Variants in ATG10 observed in about 807,000 individuals in gnomAD.
The protein encoded by ATG10 is autophagy related 10.
Under a neutral mutation model 32.1 loss-of-function variants are expected in ATG10, and 30 were observed. The ratio of observed to expected loss-of-function variants is 0.94; its 90% CI spans 0.70 to 1.27. The LOEUF (loss-of-function observed/expected upper bound fraction) is 1.27, where lower values mean the gene tolerates loss of function less well. ATG10 is among the 50% of genes most tolerant of loss of function. The pLI is 0.00. For synonymous variants in ATG10, 87 were observed against 91.5 expected (o/e 0.95, Z 0.28); for missense variants, 233 against 262.3 (o/e 0.89, Z 0.77).
At position 82,255,971 on chromosome 5, in the gene ATG10, G is replaced by A. The variant is rs1747444504; in HGVS notation, c.*1908G>A. 1 of 152,146 alleles carries A rather than the reference G, an allele frequency of 6.6e-6. No individual in the cohort carries two copies. The highest frequency in any genetic ancestry group is 1.5e-5 in the Non-Finnish European group (1 of 68,020). The allele number at this position is 152,146 out of a possible 1,614,324, so 9.4% of individuals were successfully genotyped here. A position where few individuals can be genotyped will look rare whatever the true frequency, so the allele number is the denominator to read the frequency against. ...CATATTCATGCTAGGATGAGAGCCGGCTTAAATGCTTGCTGGGCATTTTGG... is the reference window on the plus strand; with the variant it reads ...CATATTCATGCTAGGATGAGAGCCGACTTAAATGCTTGCTGGGCATTTTGG... On this transcript the variant is annotated 3_prime_UTR_variant, in exon 8 of 8. Coordinates refer to ENST00000282185, the MANE Select transcript of ATG10 (RefSeq NM_031482.5).
intron 3 of ATG10, among the ~76,000 whole-genome samples, chr5:82,087,689 C>G (rs942798613): frequency 6.6e-6 from 1 of 152,090 alleles, no homozygotes; most frequent in Non-Finnish European, 1.5e-5. Flanking sequence ...TTTGATAGGA[C>G]AGTTAATCAA....
intron 5 of ATG10, among the ~76,000 whole-genome samples, chr5:82,196,026 C>T (rs1429699655): frequency 6.6e-6 from 1 of 152,166 alleles, no homozygotes; most frequent in Non-Finnish European, 1.5e-5. Context: ...CAGTTTCTCC[C>T]CATCTTTGCC....
chr5:82,052,437 A>G (rs1470860430), intron 2 of ATG10, among the ~76,000 whole-genome samples: 1 of 152,172 alleles, frequency 6.6e-6, no homozygotes, highest in East Asian at 1.9e-4. Context: ...CTTGGATTCT[A>G]TAAGACCTAT....
intron 3 of ATG10, chr5:82,073,267 G>A (rs1373908368): frequency 2.0e-5 from 3 of 152,076 alleles, no homozygotes; most frequent in East Asian, 1.9e-4. Context: ...TCTACCCTGC[G>A]CTATTTTGTT....
chr5:82,132,154 T>C (rs1004239266), intron 3 of ATG10, among the ~76,000 whole-genome samples: 2 of 152,138 alleles, frequency 1.3e-5, no homozygotes, highest in African/African-American at 4.8e-5. Context: ...ATTAGTCTTA[T>C]TTATTAAATT....
chr5:82,185,247 A>G (rs1395483300), intron 5 of ATG10, among the ~76,000 whole-genome samples: 1 of 152,172 alleles, frequency 6.6e-6, no homozygotes, highest in Non-Finnish European at 1.5e-5. Context: ...CCTTTTAAAT[A>G]TATTCTTTCT....
chr5:82,034,263 T>G (rs1762843032), intron 2 of ATG10, among the ~76,000 whole-genome samples: 1 of 152,078 alleles, frequency 6.6e-6, no homozygotes, highest in African/African-American at 2.4e-5. Context: ...CAGTAATCAT[T>G]AGCTTCCAAT....
chr5:82,009,031 T>C (rs1269804250), intron 2 of ATG10, among the ~76,000 whole-genome samples: 1 of 152,196 alleles, frequency 6.6e-6, no homozygotes, highest in African/African-American at 2.4e-5. Flanking sequence ...AAATTTTTTC[T>C]CATAGTTGCA....
intron 2 of ATG10, among the ~76,000 whole-genome samples, chr5:82,042,987 T>A (rs1029733304): frequency 6.6e-6 from 1 of 152,158 alleles, no homozygotes; most frequent in Non-Finnish European, 1.5e-5. Flanking sequence ...TTCTCACAGG[T>A]CCACTTGACA....
At chr5:82,088,996 T>G (rs976350246) in intron 3 of ATG10, among the ~76,000 whole-genome samples, 2 of 152,102 alleles carry the variant, frequency 1.3e-5, no homozygotes, top group Non-Finnish European at 2.9e-5. Flanking sequence ...AAAGAAAGAA[T>G]AAAATGGGAG....
intron 3 of ATG10, among the ~76,000 whole-genome samples, chr5:82,075,581 T>C (rs947402404): frequency 6.6e-6 from 1 of 152,210 alleles, no homozygotes; most frequent in Non-Finnish European, 1.5e-5. Context: ...CACTTAATAA[T>C]GAAAGTAACT....
At chr5:82,083,638 G>A (rs2149784993) in intron 3 of ATG10, among the ~76,000 whole-genome samples, 1 of 152,296 alleles carries the variant, frequency 6.6e-6, no homozygotes, top group Middle Eastern at 3.4e-3. Context: ...GAAGCTTCCA[G>A]AGGAAGGATC....
At chr5:81,981,210 T>A (rs2149656358) in intron 1 of ATG10, among the ~76,000 whole-genome samples, 1 of 152,364 alleles carries the variant, frequency 6.6e-6, no homozygotes, top group South Asian at 2.1e-4. Context: ...CCTGTCAAAG[T>A]GATTCATCTT....
chr5:82,014,779 C>G (rs1300319288), intron 2 of ATG10, among the ~76,000 whole-genome samples: 1 of 152,110 alleles, frequency 6.6e-6, no homozygotes, highest in Non-Finnish European at 1.5e-5. Flanking sequence ...TTGACTCTAT[C>G]CAATTTGCCA....
At chr5:82,133,551 C>T (rs1766623125) in intron 3 of ATG10, among the ~76,000 whole-genome samples, 1 of 151,972 alleles carries the variant, frequency 6.6e-6, no homozygotes, top group Admixed American at 6.6e-5. Flanking sequence ...GGTGTTATTT[C>T]TGAGGCCTCT....
rs1486616302 is a variant in ATG10, at chr5:81,988,418, C to T, written c.108+740C>T. 3.3e-5 allele frequency among the ~76,000 whole-genome samples: 5 copies of T among 152,132 alleles called. No individual in the cohort carries two copies. In the East Asian group the frequency reaches 9.6e-4, roughly 29 times the overall value. The stretch of plus-strand genomic sequence containing the variant: ...CCTCCCAAAGTCCTGGGATTATAGG[C>T]GTGAGCCACCACACCCAGCCCCAAA... On this transcript the variant is annotated intron_variant, in intron 2 of 7. Transcript: ENST00000282185.
At chr5:82,057,691 A>T (rs1763647868) in intron 2 of ATG10, among the ~76,000 whole-genome samples, 1 of 152,178 alleles carries the variant, frequency 6.6e-6, no homozygotes, top group African/African-American at 2.4e-5. Context: ...ATTGAATTCA[A>T]AAAAGTGTTA....
Position 82,242,321 on chromosome 5 carries a change from T to C in ATG10, c.454-10241T>C, listed in dbSNP as rs1156791498. 2.0e-5 allele frequency among the ~76,000 whole-genome samples: 3 copies of C among 152,048 alleles called. No homozygotes were observed. In the East Asian group the frequency reaches 5.8e-4, roughly 29 times the overall value. On this transcript the variant is annotated intron_variant, in intron 5 of 7. Transcript: ENST00000282185. ...TGAGAAGAATCTGAAGAATTGTATA[T>C]ATTGTAGCAAAAAACAAGAAAGAAA...
At chr5:82,059,924 T>G (rs1390668804) in intron 3 of ATG10, among the ~76,000 whole-genome samples, 2 of 152,128 alleles carry the variant, frequency 1.3e-5, no homozygotes, top group Non-Finnish European at 2.9e-5. Context: ...TAGGAAGCTT[T>G]TCAATTCATT....
Sources: allele counts gnomAD v4.1 joint callset (sites outside exome capture counted in the v4.1 genomes callset), GRCh38; gene constraint gnomAD v4.1.1; transcripts MANE v1.5; gene names NCBI Gene and HGNC (gene_info 2026-07-23, HGNC 2026-07-21).